Variants in PCDHGA2 observed in about 807,000 individuals in gnomAD.
PCDHGA2 encodes the protein protocadherin gamma subfamily A, 2, also known as protocadherin gamma-A2.
In PCDHGA2, 40 loss-of-function variants were observed where a neutral mutation model predicts 59.2. That is an observed-to-expected ratio of 0.68 (90% CI 0.52 to 0.88). The LOEUF (loss-of-function observed/expected upper bound fraction) is 0.88. Ranked by LOEUF, PCDHGA2 falls within the 40% of genes least tolerant of loss-of-function variation. The probability of loss-of-function intolerance (pLI) is 0.00; values close to 1 mark genes in which losing one functional copy is unlikely to be tolerated. For synonymous variants in PCDHGA2, 560 were observed against 526.0 expected, an observed-to-expected ratio of 1.06 and a Z score of -0.89; for missense variants, 1,226 against 1,204.0, an observed-to-expected ratio of 1.02 and a Z score of -0.27.
intron 1 of PCDHGA2, chr5:141,356,943 C>G: frequency 1.2e-6 from 2 of 1,614,240 alleles, no homozygotes; most frequent in African/African-American, 1.3e-5. Flanking sequence ...CACCCCGCTC[C>G]GCAGATTCCG....
intron 1 of PCDHGA2, chr5:141,385,163 A>T: frequency 6.2e-7 from 1 of 1,614,182 alleles, no homozygotes; most frequent in Non-Finnish European, 8.5e-7. Flanking sequence ...ACCTATTCCC[A>T]TGAGGTCTCC....
At chr5:141,392,160 T>C (rs1426961496) in intron 1 of PCDHGA2, 1 of 152,220 alleles carries the variant, frequency 6.6e-6, no homozygotes, top group Non-Finnish European at 1.5e-5. Context: ...TAAAACAATT[T>C]CTGAGTCAGT....
Position 141,432,244 on chromosome 5 carries a change from C to T in PCDHGA2, c.2425-62563C>T. 1 of 1,614,262 alleles carries T rather than the reference C, an allele frequency of 6.2e-7. No homozygotes were observed. Among genetic ancestry groups the T allele is most frequent in the Non-Finnish European group, 8.5e-7 (1 of 1,180,048 alleles). On this transcript the variant is annotated intron_variant, in intron 1 of 3. Coordinates refer to ENST00000394576, the MANE Select transcript of PCDHGA2 (RefSeq NM_018915.4). The surrounding 1 kb of genome is among the most constrained non-coding windows in gnomAD (Gnocchi z 6.0). ...TCACTTATTCCCTGGCTGAGAACAC[C>T]ATCCAAGGGGCAAGCCTATCGTCCT...
At chr5:141,382,924 G>T (rs768027809) in intron 1 of PCDHGA2, 2 of 1,568,666 alleles carry the variant, frequency 1.3e-6, no homozygotes, top group Non-Finnish European at 1.7e-6. Flanking sequence ...GAGGGGCGGG[G>T]ACTACAGAGG....
At chr5:141,449,837 T>A (rs917239289) in intron 1 of PCDHGA2, among the ~76,000 whole-genome samples, 3 of 151,742 alleles carry the variant, frequency 2.0e-5, no homozygotes, top group Non-Finnish European at 4.4e-5. Context: ...TTCTTTTATA[T>A]AATTAAATTT....
intron 1 of PCDHGA2, chr5:141,411,324 C>T (rs1171274674): frequency 1.3e-5 from 2 of 152,166 alleles, no homozygotes; most frequent in Admixed American, 6.5e-5. Context: ...AATCACAGCA[C>T]TTTGATAGGC....
intron 1 of PCDHGA2, chr5:141,393,283 C>T (rs2150516449): frequency 6.2e-7 from 1 of 1,613,988 alleles, no homozygotes; most frequent in Middle Eastern, 1.6e-4. Flanking sequence ...CTCCCAGAAG[C>T]TGTTGACCCG....
At chr5:141,413,080 A>G (rs2095603656) in intron 1 of PCDHGA2, 3 of 1,298,546 alleles carry the variant, frequency 2.3e-6, no homozygotes, top group Non-Finnish European at 3.2e-6. Context: ...TGCCCAGGCT[A>G]CAGAGACACC....
intron 1 of PCDHGA2, chr5:141,372,390 G>GA: frequency 6.2e-7 from 1 of 1,614,044 alleles, no homozygotes; most frequent in Non-Finnish European, 8.5e-7. Context: ...AATCTTCGCA[G>GA]ATAGCTTGCA....
rs746318177 is a variant in PCDHGA2 at position 141,431,715 on chromosome 5, T to G, written c.2425-63092T>G. On this transcript the variant is annotated intron_variant, in intron 1 of 3. Coordinates refer to ENST00000394576, the MANE Select transcript of PCDHGA2 (RefSeq NM_018915.4). The surrounding 1 kb of genome is among the most constrained non-coding windows in gnomAD (Gnocchi z 4.8). Reference sequence around the variant, plus strand: ...GAGTCAGGATTCTACCAGATGGAAGTGCAAGCAATGGATAATGCAGGATAT... The same window carrying G: ...GAGTCAGGATTCTACCAGATGGAAGGGCAAGCAATGGATAATGCAGGATAT... 5.6e-6 allele frequency: 9 copies of G among 1,614,178 alleles called. No homozygotes were observed. The highest frequency in any genetic ancestry group is 6.8e-6 in the Non-Finnish European group (8 of 1,180,042).
intron 1 of PCDHGA2, chr5:141,427,507 T>A: frequency 1.7e-6 from 1 of 584,928 alleles, no homozygotes; most frequent in Non-Finnish European, 3.2e-6. Context: ...GATGGGACCC[T>A]GGATTGGGAG....
rs80129508 is a variant in PCDHGA2 at position 141,369,299 on chromosome 5, C to T, written c.2424+27904C>T. Among the ~76,000 whole-genome samples the T allele has an allele frequency of 3.7e-4, 56 of 152,230 alleles. No homozygotes were observed. In the East Asian group the frequency reaches 0.011, roughly 29 times the overall value. On this transcript the variant is annotated intron_variant, in intron 1 of 3. Coordinates refer to ENST00000394576, the MANE Select transcript of PCDHGA2 (RefSeq NM_018915.4). ...TCACTCCCCAATCCTAATAACGCAT[C>T]ATTGTTAGGCTACTTGAGAAGAAAC...
At chr5:141,446,208 G>GAT (rs1387839424) in intron 1 of PCDHGA2, among the ~76,000 whole-genome samples, 1 of 152,156 alleles carries the variant, frequency 6.6e-6, no homozygotes, top group Non-Finnish European at 1.5e-5. Context: ...CTAGGTGTCT[G>GAT]AAAATATTGT....
chr5:141,357,306 C>A (rs761493933), intron 1 of PCDHGA2: 4 of 1,614,076 alleles, frequency 2.5e-6, no homozygotes, highest in South Asian at 1.1e-5. Context: ...CTGTCTCCTG[C>A]GTCTTCCTGG....
intron 2 of PCDHGA2, among the ~76,000 whole-genome samples, chr5:141,496,104 G>A (rs950960102): frequency 6.8e-6 from 1 of 146,980 alleles, no homozygotes; most frequent in African/African-American, 2.5e-5. Context: ...CCAACACCCC[G>A]CTCTCTTCCT....
At chr5:141,509,631 C>A (rs1250891268) in intron 3 of PCDHGA2, among the ~76,000 whole-genome samples, 1 of 152,200 alleles carries the variant, frequency 6.6e-6, no homozygotes, top group East Asian at 1.9e-4. Flanking sequence ...CTGGGTGATG[C>A]TGAGCCAGGG....
In PCDHGA2 at chr5:141,350,895, T is replaced by C. The variant is rs746889815; in HGVS notation, c.2424+9500T>C. On this transcript the variant is annotated intron_variant, in intron 1 of 3. Coordinates refer to ENST00000394576, the MANE Select transcript of PCDHGA2 (RefSeq NM_018915.4). ...TCTCATCGCTTAATCCTGACTGCCATGGATGGCGGGGACCCGCCTCTAAGC... is the reference window on the plus strand; with the variant it reads ...TCTCATCGCTTAATCCTGACTGCCACGGATGGCGGGGACCCGCCTCTAAGC... 31 of 1,613,848 alleles carry C rather than the reference T, an allele frequency of 1.9e-5. No homozygotes were observed. The African/African-American group carries it at 2.5e-4, about 13-fold the overall frequency.
At chr5:141,354,320 C>G (rs1264680907) in intron 1 of PCDHGA2, among the ~76,000 whole-genome samples, 1 of 152,172 alleles carries the variant, frequency 6.6e-6, no homozygotes, top group African/African-American at 2.4e-5. Flanking sequence ...AATTACTACT[C>G]TATGAAAGGT....
rs889285153 is a variant in PCDHGA2, at chr5:141,494,978, T to C, written c.2483+113T>C. ...TGCTACAGATGGCTTCTCCCTCAGT[T>C]TGAGATCCCAGGGAGGTCTTGGTGT... On this transcript the variant is annotated intron_variant, in intron 2 of 3. Transcript: ENST00000394576. 7.6e-6 allele frequency: 12 copies of C among 1,572,974 alleles called. No homozygotes were observed. In the Admixed American group the frequency reaches 1.3e-4, roughly 17 times the overall value.
Sources: gnomAD v4.1 joint callset for allele counts (sites outside exome capture counted in the v4.1 genomes callset) on GRCh38, gnomAD v4.1.1 for gene constraint, Gnocchi (gnomAD v3.1) non-coding constraint, MANE v1.5 for transcripts, NCBI Gene and HGNC (gene_info 2026-07-23, HGNC 2026-07-21) for gene names.